PCDHA5: variants seen among roughly 807,000 people sequenced by gnomAD.
PCDHA5 encodes the protein protocadherin alpha-5.
In PCDHA5, 43 loss-of-function variants were observed where a neutral mutation model predicts 61.6. The ratio of observed to expected loss-of-function variants is 0.70; its 90% CI spans 0.55 to 0.90. PCDHA5 has a LOEUF of 0.90. PCDHA5 is among the 40% of genes least tolerant of loss of function. PCDHA5 has a pLI of 0.00. For synonymous variants in PCDHA5, 627 were observed against 543.9 expected (o/e 1.15, Z -2.13); for missense variants, 1,298 against 1,222.7 (o/e 1.06, Z -0.92).
Position 140,848,175 on chromosome 5 carries a change from A to C in PCDHA5, c.2352+24048A>C, listed in dbSNP as rs1003138626. The C allele has an allele frequency of 1.1e-4, 28 of 264,776 alleles. 3 individuals are homozygous for C. The highest frequency in any genetic ancestry group is 1.8e-4 in the Non-Finnish European group (25 of 138,828). 16.4% of individuals were successfully genotyped at this position (264,776 alleles called of 1,614,324 possible). On this transcript the variant is annotated intron_variant, in intron 1 of 3. Transcript: ENST00000529859. ...AGTCTGCTAAGAAGGCTCCAGCAAG[A>C]GAAACGGGATCTTCTGTTTCAACAA...
intron 1 of PCDHA5, among the ~76,000 whole-genome samples, chr5:140,874,637 AC>A (rs1177845104): frequency 4.6e-5 from 7 of 152,256 alleles, no homozygotes; most frequent in African/African-American, 1.7e-4. Flanking sequence ...AAAGTGCTTT[AC>A]TTTTGCTAGA....
chr5:140,834,686 G>A (rs2150224361), intron 1 of PCDHA5: 2 of 1,614,276 alleles, frequency 1.2e-6, no homozygotes, highest in Non-Finnish European at 1.7e-6. Context: ...GGAGCGCGGA[G>A]TGCAGCATCC....
chr5:140,850,927 T>C, intron 1 of PCDHA5: 1 of 1,521,264 alleles, frequency 6.6e-7, no homozygotes, highest in Non-Finnish European at 8.8e-7. Flanking sequence ...TATATAATTT[T>C]TTTTCTTGAA....
chr5:140,830,257 G>T (rs1581901410), intron 1 of PCDHA5: 1 of 1,613,574 alleles, frequency 6.2e-7, no homozygotes, highest in Admixed American at 1.7e-5. Flanking sequence ...CAGCGCTGCG[G>T]TGCTCGGCGC....
intron 1 of PCDHA5, chr5:140,855,912 G>C: frequency 1.7e-6 from 2 of 1,172,642 alleles, no homozygotes; most frequent in Non-Finnish European, 2.4e-6. Flanking sequence ...GTTTCTCAAG[G>C]ACTAGGAAGT....
rs543030376 is a variant in PCDHA5, at chr5:140,961,758, G to A, written c.2353-17191G>A. 3.3e-5 allele frequency among the ~76,000 whole-genome samples: 5 copies of A among 152,240 alleles called. No individual in the cohort carries two copies. In the South Asian group the frequency reaches 8.3e-4, roughly 25 times the overall value. On this transcript the variant is annotated intron_variant, in intron 1 of 3. Coordinates refer to ENST00000529859, the MANE Select transcript of PCDHA5 (RefSeq NM_018908.3). ...CTTTAGTAATATTACAGTTTTGAAG[G>A]AATTTATATCAAGCTTAATGGCACT...
At chr5:140,985,579 C>T (rs2097158687) in intron 3 of PCDHA5, among the ~76,000 whole-genome samples, 1 of 152,084 alleles carries the variant, frequency 6.6e-6, no homozygotes, top group African/African-American at 2.4e-5. Context: ...GTGCCTAAGC[C>T]TCCTTATACT....
intron 1 of PCDHA5, among the ~76,000 whole-genome samples, chr5:140,938,685 C>CTT (rs1554212299): frequency 6.6e-6 from 1 of 151,964 alleles, no homozygotes; most frequent in African/African-American, 2.4e-5. Context: ...ATTTTCTTTA[C>CTT]AGTTTTTAAA....
At chr5:140,871,639 A>T in intron 1 of PCDHA5, 1 of 1,347,750 alleles carries the variant, frequency 7.4e-7, no homozygotes, top group East Asian at 2.5e-5. Context: ...CTGTTCATAA[A>T]ATACCAAATG....
rs548391443 is a variant in PCDHA5, at chr5:140,892,979, C to T, written c.2352+68852C>T. Among the ~76,000 whole-genome samples, 6 of 152,224 alleles carry T rather than the reference C, an allele frequency of 3.9e-5. No individual in the cohort carries two copies. The South Asian group carries it at 1.2e-3, about 32-fold the overall frequency. On this transcript the variant is annotated intron_variant, in intron 1 of 3. Transcript: ENST00000529859. ...GAGCTCAATAAAATTTTGTAGCTGC[C>T]GTATAAGTGAGAACATGTATTTATT...
At chr5:140,920,548 C>T (rs1222470517) in intron 1 of PCDHA5, among the ~76,000 whole-genome samples, 5 of 152,186 alleles carry the variant, frequency 3.3e-5, no homozygotes, top group Admixed American at 6.5e-5. Context: ...ATTTCACCTT[C>T]GAAGTGTGGC....
intron 1 of PCDHA5, among the ~76,000 whole-genome samples, chr5:140,945,881 A>C (rs1334626828): frequency 6.6e-6 from 1 of 152,158 alleles, no homozygotes; most frequent in African/African-American, 2.4e-5. Flanking sequence ...AAAACTAACA[A>C]AGAAAACACA....
chr5:140,832,477 ACT>A (rs1371663743), intron 1 of PCDHA5, among the ~76,000 whole-genome samples: 3 of 152,182 alleles, frequency 2.0e-5, no homozygotes, highest in African/African-American at 4.8e-5. Context: ...AAAAAAACTA[ACT>A]CTACATACTT....
intron 1 of PCDHA5, chr5:140,848,505 T>G: frequency 6.3e-7 from 1 of 1,587,952 alleles, no homozygotes; most frequent in South Asian, 1.1e-5. Context: ...AATGTTATAC[T>G]CAAGTCGAGG....
intron 1 of PCDHA5, chr5:140,870,439 G>T (rs374343977): frequency 6.2e-7 from 1 of 1,614,244 alleles, no homozygotes; most frequent in African/African-American, 1.3e-5. Context: ...GGAGGTGGCC[G>T]ACGTGAACGA....
At chr5:141,007,704 C>T (rs2098341593) in intron 3 of PCDHA5, among the ~76,000 whole-genome samples, 1 of 152,200 alleles carries the variant, frequency 6.6e-6, no homozygotes, top group African/African-American at 2.4e-5. Flanking sequence ...CCTCCTCTGC[C>T]TCCCACCACC....
intron 1 of PCDHA5, among the ~76,000 whole-genome samples, chr5:140,838,877 T>C (rs1016544864): frequency 6.6e-6 from 1 of 151,982 alleles, no homozygotes; most frequent in Non-Finnish European, 1.5e-5. Context: ...ATCATGCCAC[T>C]GAACTCCAGC....
rs782153529 is a variant in PCDHA5, at chr5:140,871,456, G to T, written c.2352+47329G>T. 3.1e-6 allele frequency: 5 copies of T among 1,607,166 alleles called. No homozygotes were observed. The South Asian group carries it at 4.4e-5, about 14-fold the overall frequency. On this transcript the variant is annotated intron_variant, in intron 1 of 3. Coordinates refer to ENST00000529859, the MANE Select transcript of PCDHA5 (RefSeq NM_018908.3). ...TCTAGGTCTGAATAAAGAGGAGGAA[G>T]GGGAAAGACAGGAGCCAGGGTCAAA...
intron 1 of PCDHA5, among the ~76,000 whole-genome samples, chr5:140,840,315 T>C (rs2150305652): frequency 5.9e-5 from 9 of 152,012 alleles, no homozygotes; most frequent in Non-Finnish European, 1.2e-4. Context: ...TTAACTTTGG[T>C]CGACTCATTT....
Sources: allele counts gnomAD v4.1 joint callset (sites outside exome capture counted in the v4.1 genomes callset), GRCh38; gene constraint gnomAD v4.1.1; transcripts MANE v1.5; gene names NCBI Gene and HGNC (gene_info 2026-07-23, HGNC 2026-07-21).